FAM184B: variants seen among roughly 807,000 people sequenced by gnomAD.
FAM184B encodes protein FAM184B.
FAM184B carries 111 observed loss-of-function variants against 135.9 expected under a neutral mutation model. That is an observed-to-expected ratio of 0.82 (90% CI 0.70 to 0.96). The LOEUF (loss-of-function observed/expected upper bound fraction) is 0.96, where lower values mean the gene tolerates loss of function less well. FAM184B is among the 40% of genes least tolerant of loss of function. The pLI, the probability that FAM184B is intolerant of heterozygous loss-of-function variation, is 0.00. For synonymous variants in FAM184B, 552 were observed against 524.8 expected, an observed-to-expected ratio of 1.05 and a Z score of -0.71; for missense variants, 1,375 against 1,323.9, an observed-to-expected ratio of 1.04 and a Z score of -0.60.
At chr4:17,675,713 T>C (rs983041879) in intron 7 of FAM184B, among the ~76,000 whole-genome samples, 5 of 152,226 alleles carry the variant, frequency 3.3e-5, no homozygotes, top group African/African-American at 1.2e-4. Flanking sequence ...CTGGATAACT[T>C]GCTGCAGCTT....
intron 3 of FAM184B, among the ~76,000 whole-genome samples, chr4:17,706,106 G>A (rs547775519): frequency 1.1e-4 from 17 of 152,268 alleles, no homozygotes; most frequent in African/African-American, 3.9e-4. Context: ...TAACTGCCCT[G>A]CTCTACCTTC....
chr4:17,637,078 G>GTGCAATGGCGCGGTCTCGGCTCTC (rs576254492), intron 14 of FAM184B, among the ~76,000 whole-genome samples: 47 of 152,320 alleles, frequency 3.1e-4, no homozygotes, highest in African/African-American at 1.1e-3. Flanking sequence ...CCAGGCTGCA[G>GTGCAATGGCGCGGTCTCGGCTCTC]TGCAATGGCG....
At position 17,709,366 on chromosome 4, in the gene FAM184B, G is replaced by C; in HGVS notation, c.420C>G (p.His140Gln). 3 of 1,544,756 alleles carry C rather than the reference G, an allele frequency of 1.9e-6. No homozygotes were observed. Among genetic ancestry groups the C allele is most frequent in the Non-Finnish European group, 2.6e-6 (3 of 1,142,490 alleles). The change falls in exon 2 of 18, where the codon CAC becomes CAG. Residue 140 changes from histidine to glutamine, a missense_variant. Transcript: ENST00000265018. ...KERELRVEAE[H>Q]AERVLTLSRE... is the part of the protein sequence containing the mutation. ...TGGAGAGCGTGAGGACTCGCTCGGC[G>C]TGCTCTGCCTCCACCCTCAGCTCTC...
chr4:17,685,017 G>A lies in FAM184B; in HGVS notation c.1596+3407C>T, dbSNP rs117258798. ...TGAGAACACATGGATGCAGGGAGGG[G>A]GAAAAACACTCACTGGGGCCTGTTG... On this transcript the variant is annotated intron_variant, in intron 7 of 17. Coordinates refer to ENST00000265018, the MANE Select transcript of FAM184B (RefSeq NM_015688.2). Among the ~76,000 whole-genome samples, 257 of 151,892 alleles carry A rather than the reference G, an allele frequency of 1.7e-3. 3 individuals are homozygous for A. In the East Asian group the frequency reaches 0.028, roughly 17 times the overall value.
In FAM184B at chr4:17,642,098, T is replaced by C; in HGVS notation, c.2477A>G (p.Glu826Gly). 6.5e-7 allele frequency: 1 copy of C among 1,532,702 alleles called. No individual in the cohort carries two copies. Among genetic ancestry groups the C allele is most frequent in the Non-Finnish European group, 8.7e-7 (1 of 1,145,266 alleles). 94.9% of individuals were successfully genotyped at this position (1,532,702 alleles called of 1,614,324 possible). The change falls in exon 13 of 18, where the codon GAG becomes GGG. Residue 826 changes from glutamate (E) to glycine (G), a missense_variant. Coordinates refer to ENST00000265018, the MANE Select transcript of FAM184B (RefSeq NM_015688.2). ...DAVRRLRAEVEQHQQEAQKLR... is the reference protein window; with the variant it reads ...DAVRRLRAEVGQHQQEAQKLR... The stretch of plus-strand genomic sequence containing the variant: ...CTTCTGCGCCTCCTGCTGATGCTGC[T>C]CCACCTCCGCGCGCAGCCGCCGCAC...
chr4:17,761,507 T>C (rs1387518070), intron 1 of FAM184B, among the ~76,000 whole-genome samples: 5 of 152,232 alleles, frequency 3.3e-5, no homozygotes, highest in Non-Finnish European at 7.3e-5. Context: ...CTCTCCAACC[T>C]GGCCCATCAG....
chr4:17,688,453 G>A lies in FAM184B; in HGVS notation c.1567C>T (p.Arg523Cys), dbSNP rs375027395. Reference protein sequence around the residue: ...GAEESPQELGRQHCSILETQD... With the variant: ...GAEESPQELGCQHCSILETQD... ...GTCTCCAGAATGCTGCAGTGCTGGC[G>A]GCCTAATTCCTGGGGACTTTCCTCA... is the stretch of plus-strand genomic sequence containing the variant. Residue 523 changes from arginine to cysteine, a missense_variant, in exon 7 of 18, where the codon CGC (arginine) becomes TGC (cysteine). Transcript: ENST00000265018. 502 of 1,550,768 alleles carry A rather than the reference G, an allele frequency of 3.2e-4. 1 individual carries two copies. Among genetic ancestry groups the A allele is most frequent in the Admixed American group, 6.3e-4 (32 of 50,780 alleles).
chr4:17,749,766 AAC>A (rs1718251918), intron 1 of FAM184B, among the ~76,000 whole-genome samples: 1 of 152,240 alleles, frequency 6.6e-6, no homozygotes, highest in Admixed American at 6.5e-5. Context: ...TAGTCATACT[AAC>A]ACTCTGGTGT....
chr4:17,659,941 C>T lies in FAM184B; in HGVS notation c.1824+17G>A. On this transcript the variant is annotated intron_variant, in intron 9 of 17. Coordinates refer to ENST00000265018, the MANE Select transcript of FAM184B (RefSeq NM_015688.2). ...GGATCTCAGGAAGGGGGCACATCCC[C>T]ACCAGGGTTGTCCTACCTGGGCTTG... is the stretch of plus-strand genomic sequence containing the variant. 1 of 1,549,986 alleles carries T rather than the reference C, an allele frequency of 6.5e-7. No homozygotes were observed.
chr4:17,671,492 C>A (rs956842323), intron 7 of FAM184B, among the ~76,000 whole-genome samples: 2 of 152,050 alleles, frequency 1.3e-5, no homozygotes, highest in African/African-American at 4.8e-5. Flanking sequence ...TTGGTAGAGA[C>A]CCCCATTACC....
chr4:17,679,726 A>T (rs1249490982), intron 7 of FAM184B, among the ~76,000 whole-genome samples: 1 of 152,240 alleles, frequency 6.6e-6, no homozygotes, highest in East Asian at 1.9e-4. Flanking sequence ...TTGCACACGC[A>T]TGTTTATAGC....
intron 4 of FAM184B, 145 bp downstream of exon 4, chr4:17,705,607 G>C: frequency 1.0e-6 from 1 of 963,920 alleles, no homozygotes; most frequent in Non-Finnish European, 1.5e-6. Flanking sequence ...GCAGTAAGTT[G>C]GCTGGAATTC....
intron 1 of FAM184B, among the ~76,000 whole-genome samples, chr4:17,725,205 T>G (rs1717613605): frequency 6.6e-6 from 1 of 152,170 alleles, no homozygotes; most frequent in Admixed American, 6.5e-5. Flanking sequence ...TATTGTATCC[T>G]CACTACCAAG....
Position 17,709,589 on chromosome 4 carries a change from A to G in FAM184B, c.197T>C (p.Leu66Pro). 1.3e-6 allele frequency: 2 copies of G among 1,545,384 alleles called. No individual in the cohort carries two copies. The highest frequency in any genetic ancestry group is 1.7e-6 in the Non-Finnish European group (2 of 1,145,022). Residue 66 changes from leucine (L) to proline (P), a missense_variant, in exon 2 of 18, where the codon CTG (leucine) becomes CCG (proline). Coordinates refer to ENST00000265018, the MANE Select transcript of FAM184B (RefSeq NM_015688.2). ...QDEAEASMEALREAHQEELQN... is the reference protein window; with the variant it reads ...QDEAEASMEAPREAHQEELQN... ...GAGCTCCTCCTGGTGCGCTTCCCGC[A>G]GCGCCTCCATGCTGGCCTCAGCCTC...
Position 17,753,471 on chromosome 4 carries a change from A to G in FAM184B, c.141+27688T>C, listed in dbSNP as rs80019385. ...ATTATTTTAAAGATAACCATAAGAC[A>G]ATTTTCCCACACACTTAAATCAGTT... is the stretch of plus-strand genomic sequence containing the variant. On this transcript the variant is annotated intron_variant, in intron 1 of 17. Transcript: ENST00000265018. Among the ~76,000 whole-genome samples the G allele has an allele frequency of 4.5e-3, 686 of 152,318 alleles. 26 individuals are homozygous for G. In the East Asian group the frequency reaches 0.084, roughly 19 times the overall value.
intron 1 of FAM184B, among the ~76,000 whole-genome samples, chr4:17,716,259 CCT>C (rs779418543): frequency 5.9e-5 from 9 of 152,148 alleles, no homozygotes; most frequent in Non-Finnish European, 1.0e-4. Context: ...CTTACCACAT[CCT>C]CTCTTTTCTC....
rs1714977890 is a variant in FAM184B at position 17,632,324 on chromosome 4, C to A, written c.*208G>T. ...TCCTGGACTCAAGCAGTCCATCTGC[C>A]TCAGCCTCCCAAAGTGATGGGATTA... On this transcript the variant is annotated 3_prime_UTR_variant, in exon 18 of 18. Coordinates refer to ENST00000265018, the MANE Select transcript of FAM184B (RefSeq NM_015688.2). 5.3e-6 allele frequency: 2 copies of A among 378,638 alleles called. No homozygotes were observed. Among genetic ancestry groups the A allele is most frequent in the African/African-American group, 4.1e-5 (2 of 48,968 alleles). 23.5% of individuals were successfully genotyped at this position (378,638 alleles called of 1,614,324 possible).
Position 17,633,707 on chromosome 4 carries a change from T to C in FAM184B, c.3071A>G (p.Asp1024Gly), listed in dbSNP as rs1271316411. Residue 1024 changes from aspartate (D) to glycine (G), a missense_variant, in exon 17 of 18, where the codon GAT becomes GGT. Physicochemically the swap from Asp to Gly is moderately conservative, Grantham distance 94. Coordinates refer to ENST00000265018, the MANE Select transcript of FAM184B (RefSeq NM_015688.2). ...CCCAAACCTTGTGGCAGTTTTTGCATCTGTAGACTGGTTGGGTTTGTAGGT... is the reference window on the plus strand; with the variant it reads ...CCCAAACCTTGTGGCAGTTTTTGCACCTGTAGACTGGTTGGGTTTGTAGGT... ...GRTYKPNQST[D>G]AKTATRTPDG... 1 of 1,544,972 alleles carries C rather than the reference T, an allele frequency of 6.5e-7. No individual in the cohort carries two copies. The highest frequency in any genetic ancestry group is 1.2e-5 in the South Asian group (1 of 83,198).
intron 7 of FAM184B, among the ~76,000 whole-genome samples, chr4:17,670,381 A>C (rs1716142291): frequency 6.6e-6 from 1 of 152,214 alleles, no homozygotes; most frequent in Non-Finnish European, 1.5e-5. Flanking sequence ...GATCAGGGAA[A>C]AGGGGAGAAA....
Sources: allele counts gnomAD v4.1 joint callset (sites outside exome capture counted in the v4.1 genomes callset), GRCh38; gene constraint gnomAD v4.1.1; transcripts MANE v1.5; gene names NCBI Gene and HGNC (gene_info 2026-07-23, HGNC 2026-07-21).